The following SCN2A variants were observed in gnomAD, a reference collection of about 807,000 sequenced individuals.
The protein encoded by SCN2A is sodium voltage-gated channel alpha subunit 2, also known as sodium channel protein type 2 subunit alpha.
A neutral mutation model predicts 188.7 loss-of-function variants in SCN2A; 20 were observed. The observed-to-expected ratio is 0.11, with a 90% CI of 0.07 to 0.15. The LOEUF (loss-of-function observed/expected upper bound fraction) is 0.15. Ranked by LOEUF, SCN2A falls within the 10% of genes least tolerant of loss-of-function variation. The pLI, the probability that SCN2A is intolerant of heterozygous loss-of-function variation, is 1.00. For synonymous variants in SCN2A, 804 were observed against 833.1 expected, an observed-to-expected ratio of 0.97 and a Z score of 0.60; for missense variants, 1,278 against 2,445.0, an observed-to-expected ratio of 0.52 and a Z score of 10.07.
At chr2:165,330,572 G>A (rs1454398957) in intron 13 of SCN2A, among the ~76,000 whole-genome samples, 1 of 151,978 alleles carries the variant, frequency 6.6e-6, no homozygotes, top group Non-Finnish European at 1.5e-5. Context: ...TGATATGAGA[G>A]TTATATATTT....
At chr2:165,260,068 C>G (rs903965272) in intron 1 of SCN2A, among the ~76,000 whole-genome samples, 1 of 151,356 alleles carries the variant, frequency 6.6e-6, no homozygotes, top group Non-Finnish European at 1.5e-5. Context: ...CTCAACCTCC[C>G]GAGTAGCTGG....
intron 1 of SCN2A, chr2:165,273,805 C>T (rs1004096822): frequency 7.9e-5 from 12 of 152,024 alleles, no homozygotes; most frequent in Non-Finnish European, 1.2e-4. Flanking sequence ...GAAAAATAAA[C>T]GGAAAATGTC....
intron 1 of SCN2A, among the ~76,000 whole-genome samples, chr2:165,277,419 A>G (rs539736623): frequency 2.0e-5 from 3 of 152,324 alleles, no homozygotes; most frequent in East Asian, 3.9e-4. Context: ...AGAGAACTCA[A>G]AGAGAAAGCT....
chr2:165,294,241 A>C (rs1696378175), intron 1 of SCN2A: 1 of 410,838 alleles, frequency 2.4e-6, no homozygotes, highest in South Asian at 1.0e-4. Flanking sequence ...TTCATTTTGA[A>C]GCTGCTGGCT....
At chr2:165,260,230 A>G (rs1276976940) in intron 1 of SCN2A, among the ~76,000 whole-genome samples, 1 of 152,156 alleles carries the variant, frequency 6.6e-6, no homozygotes, top group Admixed American at 6.5e-5. Flanking sequence ...GGCGTGAGCC[A>G]CTGCGCCCGG....
intron 1 of SCN2A, among the ~76,000 whole-genome samples, chr2:165,276,020 A>G (rs1334820008): frequency 6.6e-6 from 1 of 152,146 alleles, no homozygotes; most frequent in East Asian, 1.9e-4. Context: ...GGCATGAGCC[A>G]CTGCACTCAG....
chr2:165,309,427 A>G lies in SCN2A; in HGVS notation c.681A>G (p.Thr227=), dbSNP rs2228987. Residue 227 remains threonine, a synonymous_variant, in exon 6 of 27, where the codon ACA becomes ACG. Coordinates refer to ENST00000375437, the MANE Select transcript of SCN2A (RefSeq NM_001040142.2). ...TCAGAGTTCTCCGAGCATTGAAAACAATTTCAGTCATTCCAGGTGAGAGCT... is the reference window on the plus strand; with the variant it reads ...TCAGAGTTCTCCGAGCATTGAAAACGATTTCAGTCATTCCAGGTGAGAGCT... The part of the protein sequence containing the change: ...RTFRVLRALK[T]ISVIPGLKTI... 2.2e-5 allele frequency: 36 copies of G among 1,613,498 alleles called. No homozygotes were observed. The South Asian group carries it at 4.0e-4, about 18-fold the overall frequency.
chr2:165,307,443 GATGTT>G (rs1697196519), intron 3 of SCN2A, among the ~76,000 whole-genome samples: 1 of 152,030 alleles, frequency 6.6e-6, no homozygotes, highest in South Asian at 2.1e-4. Context: ...CTTTTAGAAT[GATGTT>G]ATAATACATT....
chr2:165,291,011 G>A (rs1054898908), intron 1 of SCN2A, among the ~76,000 whole-genome samples: 2 of 141,956 alleles, frequency 1.4e-5, no homozygotes, highest in African/African-American at 5.2e-5. Context: ...TCATTTCCTG[G>A]TGTTTTTTTC....
At chr2:165,350,720 A>T (rs62174670) in intron 16 of SCN2A, among the ~76,000 whole-genome samples, 2 of 147,192 alleles carry the variant, frequency 1.4e-5, no homozygotes, top group Non-Finnish European at 3.0e-5. Flanking sequence ...GATCCGCCCG[A>T]GGCCTCCCAA....
At position 165,374,895 on chromosome 2, in the gene SCN2A, A is replaced by G; in HGVS notation, c.4183A>G (p.Thr1395Ala). Reference sequence around the variant, plus strand: ...CAAAGCTCTCATTGAGAGCAATCAAACTGCCAGGTGGAAAAATGTGAAAGT... The same window carrying G: ...CAAAGCTCTCATTGAGAGCAATCAAGCTGCCAGGTGGAAAAATGTGAAAGT... ...ECKALIESNQ[T>A]ARWKNVKVNF... The change falls in exon 22 of 27, where the codon ACT becomes GCT. Residue 1395 changes from threonine to alanine, a missense_variant. By Grantham distance (58) the Thr-to-Ala change is moderately conservative (BLOSUM62 0). Coordinates refer to ENST00000375437, the MANE Select transcript of SCN2A (RefSeq NM_001040142.2). 1 of 1,613,534 alleles carries G rather than the reference A, an allele frequency of 6.2e-7. No homozygotes were observed. Among genetic ancestry groups the G allele is most frequent in the South Asian group, 1.1e-5 (1 of 91,060 alleles).
intron 16 of SCN2A, among the ~76,000 whole-genome samples, chr2:165,346,714 T>C (rs1699608633): frequency 6.6e-6 from 1 of 152,014 alleles, no homozygotes; most frequent in Admixed American, 6.6e-5. Context: ...CCATCTAATA[T>C]CCAGAATCTA....
At chr2:165,374,058 A>G (rs1701185825) in intron 21 of SCN2A, among the ~76,000 whole-genome samples, 1 of 152,158 alleles carries the variant, frequency 6.6e-6, no homozygotes, top group African/African-American at 2.4e-5. Flanking sequence ...TTTCTAACTA[A>G]GAAAATAGTT....
At chr2:165,382,574 C>T (rs751197163) in intron 25 of SCN2A, among the ~76,000 whole-genome samples, 2 of 151,816 alleles carry the variant, frequency 1.3e-5, no homozygotes, top group Non-Finnish European at 2.9e-5. Context: ...CCACAATAAC[C>T]CATACCTCGA....
At chr2:165,243,389 G>A (rs1230593406) in intron 1 of SCN2A, among the ~76,000 whole-genome samples, 1 of 152,012 alleles carries the variant, frequency 6.6e-6, no homozygotes, top group African/African-American at 2.4e-5. Context: ...GATTGCCTGA[G>A]GTCTGGAGTT....
At chr2:165,355,897 G>T (rs754325834) in intron 17 of SCN2A, among the ~76,000 whole-genome samples, 1 of 151,704 alleles carries the variant, frequency 6.6e-6, no homozygotes, top group Non-Finnish European at 1.5e-5. Context: ...TACTCGGGAG[G>T]CTGAGGCAAG....
chr2:165,265,473 A>ATC (rs1383738853), intron 1 of SCN2A, among the ~76,000 whole-genome samples: 14 of 48,742 alleles, frequency 2.9e-4, no homozygotes, highest in African/African-American at 1.2e-3. Flanking sequence ...CTGTTGATCT[A>ATC]TATATATATA....
At chr2:165,292,047 A>T (rs1175335092) in intron 1 of SCN2A, among the ~76,000 whole-genome samples, 1 of 152,114 alleles carries the variant, frequency 6.6e-6, no homozygotes, top group East Asian at 1.9e-4. Context: ...CTAAGAGAAG[A>T]ATCTTTAGGA....
intron 1 of SCN2A, chr2:165,273,722 A>G (rs758503127): frequency 6.6e-6 from 1 of 152,164 alleles, no homozygotes; most frequent in Non-Finnish European, 1.5e-5. Flanking sequence ...TTTCCAAATG[A>G]TGATGCTTTG....
Sources: allele counts gnomAD v4.1 joint callset (sites outside exome capture counted in the v4.1 genomes callset), GRCh38; gene constraint gnomAD v4.1.1; transcripts MANE v1.5; gene names NCBI Gene and HGNC (gene_info 2026-07-23, HGNC 2026-07-21).